The following VAV3 variants were observed in gnomAD, a reference collection of about 807,000 sequenced individuals.
VAV3 encodes the protein vav guanine nucleotide exchange factor 3, also known as guanine nucleotide exchange factor VAV3.
In VAV3, 94 loss-of-function variants were observed where a neutral mutation model predicts 131.2. That is an observed-to-expected ratio of 0.72 (90% confidence interval 0.61 to 0.85). VAV3 has a LOEUF of 0.85. VAV3 is among the 40% of genes least tolerant of loss of function. VAV3 has a pLI of 0.00. For missense variants in VAV3, 939 were observed against 1,002.7 expected, an observed-to-expected ratio of 0.94 and a Z score of 0.86; for synonymous variants, 349 against 342.0, an observed-to-expected ratio of 1.02 and a Z score of -0.22.
intron 2 of VAV3, among the ~76,000 whole-genome samples, chr1:107,855,356 G>A (rs959926047): frequency 2.6e-5 from 4 of 151,906 alleles, no homozygotes; most frequent in African/African-American, 7.3e-5. Flanking sequence ...GGCTCACTGC[G>A]GCCTCAACTT....
chr1:107,674,727 C>T (rs950124200), intron 19 of VAV3, among the ~76,000 whole-genome samples: 28 of 152,306 alleles, frequency 1.8e-4, no homozygotes, highest in African/African-American at 6.5e-4. Context: ...ATCCTTGCCT[C>T]CTGGTACTGA....
intron 2 of VAV3, among the ~76,000 whole-genome samples, chr1:107,800,410 C>CA (rs2102300043): frequency 6.6e-6 from 1 of 152,218 alleles, no homozygotes; most frequent in Admixed American, 6.5e-5. Context: ...GATGATGGTT[C>CA]ATTGTGGTTT....
intron 2 of VAV3, among the ~76,000 whole-genome samples, chr1:107,837,679 C>T (rs538582291): frequency 4.9e-4 from 75 of 152,094 alleles, no homozygotes; most frequent in Non-Finnish European, 9.4e-4. Context: ...GGTACTGATA[C>T]AAAAAGTGAC....
chr1:107,893,436 T>C (rs888034239), intron 1 of VAV3, among the ~76,000 whole-genome samples: 1 of 152,174 alleles, frequency 6.6e-6, no homozygotes. Context: ...ATGCTGCTGA[T>C]AAAGAAATAC....
intron 1 of VAV3, among the ~76,000 whole-genome samples, chr1:107,946,301 T>C (rs1457398512): frequency 6.6e-6 from 1 of 152,120 alleles, no homozygotes; most frequent in Non-Finnish European, 1.5e-5. Flanking sequence ...TATCATGAGG[T>C]AGCTACTTTT....
intron 2 of VAV3, among the ~76,000 whole-genome samples, chr1:107,853,345 G>C (rs552228261): frequency 6.6e-6 from 1 of 152,260 alleles, no homozygotes; most frequent in East Asian, 1.9e-4. Flanking sequence ...CAACATAGGA[G>C]ACAAGTGTTT....
intron 19 of VAV3, among the ~76,000 whole-genome samples, 193 bp downstream of exon 19, chr1:107,683,295 A>T (rs1172398903): frequency 6.6e-6 from 1 of 152,196 alleles, no homozygotes; most frequent in Non-Finnish European, 1.5e-5. Context: ...AAAGAGTGCA[A>T]TGCTGGTAGT....
At chr1:107,903,209 C>T (rs1671953623) in intron 1 of VAV3, among the ~76,000 whole-genome samples, 1 of 152,008 alleles carries the variant, frequency 6.6e-6, no homozygotes, top group African/African-American at 2.4e-5. Context: ...GAAAAAAGCA[C>T]CTTAAAACTT....
chr1:107,744,349 A>G (rs6583045), intron 15 of VAV3, among the ~76,000 whole-genome samples: 100,247 of 152,076 alleles, frequency 0.66, 33,662 homozygotes, highest in East Asian at 0.97. Context: ...TTAGATATTC[A>G]CAGTAGTGAT....
In VAV3 at chr1:107,643,182, C is replaced by G. The variant is rs569749373; in HGVS notation, c.1778-427G>C. Among the ~76,000 whole-genome samples the G allele has an allele frequency of 2.6e-5, 4 of 152,250 alleles. No homozygotes were observed. In the East Asian group the frequency reaches 7.7e-4, roughly 29 times the overall value. ...AGGCTCATCCTTTCTGTGTATGTAT[C>G]ACATTGCCCAGTATATGGATCATAT... On this transcript the variant is annotated intron_variant, in intron 19 of 26. Coordinates refer to ENST00000370056, the MANE Select transcript of VAV3 (RefSeq NM_006113.5).
Position 107,856,058 on chromosome 1 carries a change from C to T in VAV3, c.321+18843G>A, listed in dbSNP as rs560778962. Among the ~76,000 whole-genome samples the T allele has an allele frequency of 2.0e-5, 3 of 152,190 alleles. No individual in the cohort carries two copies. The East Asian group carries it at 5.8e-4, about 29-fold the overall frequency. On this transcript the variant is annotated intron_variant, in intron 2 of 26. Transcript: ENST00000370056. ...TGGGCATGTTCTGAGTAGGAGACCA[C>T]CCCATGCACACTCATAAGCAAGCTC...
chr1:107,920,043 T>C (rs75620692), intron 1 of VAV3, among the ~76,000 whole-genome samples: 5 of 152,334 alleles, frequency 3.3e-5, no homozygotes, highest in Middle Eastern at 3.4e-3. Context: ...TGTCTGACCT[T>C]ATCTCCTTAT....
chr1:107,663,719 T>A (rs1438599508), intron 19 of VAV3, among the ~76,000 whole-genome samples: 1 of 152,206 alleles, frequency 6.6e-6, no homozygotes, highest in East Asian at 1.9e-4. Context: ...AATTCCCCTT[T>A]ATAATTTCAG....
At chr1:107,779,002 CAT>C (rs1414434317) in intron 3 of VAV3, among the ~76,000 whole-genome samples, 6 of 152,086 alleles carry the variant, frequency 3.9e-5, no homozygotes, top group Non-Finnish European at 7.4e-5. Context: ...TTCTTGTACA[CAT>C]GTTTTATACT....
chr1:107,861,371 T>A (rs1270415452), intron 2 of VAV3, among the ~76,000 whole-genome samples: 1 of 151,624 alleles, frequency 6.6e-6, no homozygotes, highest in Non-Finnish European at 1.5e-5. Context: ...TAAATTGCTA[T>A]CTCCCCAAGA....
At chr1:107,963,616 G>C (rs911981907) in intron 1 of VAV3, 5 of 152,172 alleles carry the variant, frequency 3.3e-5, no homozygotes, top group African/African-American at 1.2e-4. Flanking sequence ...ATCATATAAA[G>C]TCCGTTCCTT....
chr1:107,671,007 C>T (rs1657751418), intron 19 of VAV3, among the ~76,000 whole-genome samples: 1 of 152,160 alleles, frequency 6.6e-6, no homozygotes, highest in African/African-American at 2.4e-5. Flanking sequence ...AATCTGGGAT[C>T]CCCAAAGCAT....
At chr1:107,955,908 A>T (rs1557945724) in intron 1 of VAV3, among the ~76,000 whole-genome samples, 1 of 152,234 alleles carries the variant, frequency 6.6e-6, no homozygotes, top group Non-Finnish European at 1.5e-5. Context: ...ATCAAACCCT[A>T]GGCATCCTTA....
intron 2 of VAV3, among the ~76,000 whole-genome samples, chr1:107,845,231 A>T (rs1006299388): frequency 3.9e-5 from 6 of 152,202 alleles, no homozygotes; most frequent in African/African-American, 1.4e-4. Flanking sequence ...GAAAACTAAC[A>T]AACAGAAAGG....
Sources: gnomAD v4.1 joint callset for allele counts (sites outside exome capture counted in the v4.1 genomes callset) on GRCh38, gnomAD v4.1.1 for gene constraint, MANE v1.5 for transcripts, NCBI Gene and HGNC (gene_info 2026-07-23, HGNC 2026-07-21) for gene names.